OR56A3: variants seen among roughly 807,000 people sequenced by gnomAD.
The protein encoded by OR56A3 is olfactory receptor 56A3.
Under a neutral mutation model 17.5 loss-of-function variants are expected in OR56A3, and 23 were observed. That is an observed-to-expected ratio of 1.32 (90% CI 0.95 to 1.87). OR56A3 has a LOEUF of 1.87. Ranked by LOEUF, OR56A3 falls within the 40% of genes most tolerant of loss-of-function variation. OR56A3 has a pLI of 0.00. For synonymous variants in OR56A3, 175 were observed against 150.6 expected (o/e 1.16, Z -1.19); for missense variants, 366 against 380.1 (o/e 0.96, Z 0.31).
the OR56A3 span, among the ~76,000 whole-genome samples, chr11:5,980,113 T>C: frequency 7.2e-5 from 11 of 152,168 alleles, no homozygotes; most frequent in Non-Finnish European, 1.6e-4. Flanking sequence ...GAGCATGTTA[T>C]TGATTTTAGA....
Position 5,948,016 on chromosome 11 carries a change from T to A in OR56A3, c.670T>A (p.Phe224Ile). 6.2e-7 allele frequency: 1 copy of A among 1,614,216 alleles called. No homozygotes were observed. The highest frequency in any genetic ancestry group is 8.5e-7 in the Non-Finnish European group (1 of 1,180,042). ...DLILIFLSYT[F>I]ILRAVLRLKA... ...CATCCTTATCTTCCTCTCCTACACC[T>A]TCATTCTGCGAGCTGTGCTGAGACT... is the stretch of plus-strand genomic sequence containing the variant. Residue 224 changes from phenylalanine to isoleucine, a missense_variant, in exon 3 of 3, where the codon TTC becomes ATC. Phe to Ile is a conservative substitution (Grantham distance 21). Transcript: ENST00000641160.
chr11:5,969,055 A>C, the OR56A3 span, among the ~76,000 whole-genome samples: 3 of 152,194 alleles, frequency 2.0e-5, no homozygotes, highest in Non-Finnish European at 4.4e-5. Flanking sequence ...AGGAAAATAA[A>C]AGCAAATATT....
chr11:5,977,828 G>A, the OR56A3 span, among the ~76,000 whole-genome samples: 1 of 152,076 alleles, frequency 6.6e-6, no homozygotes, highest in Non-Finnish European at 1.5e-5. Flanking sequence ...TTTCTTATAG[G>A]ATTTTATAGC....
the OR56A3 span, among the ~76,000 whole-genome samples, chr11:6,018,597 A>C: frequency 1.3e-5 from 2 of 152,120 alleles, no homozygotes; most frequent in East Asian, 3.8e-4. Flanking sequence ...AAAAAAGTAG[A>C]AAGATTTCAT....
At chr11:5,947,234 T>A in intron 2 of OR56A3, 77 bp from the exon 3 acceptor site, 1 of 999,580 alleles carries the variant, frequency 1.0e-6, no homozygotes, top group Non-Finnish European at 1.5e-6. Flanking sequence ...AAACCACAAG[T>A]TGTACCTATG....
the OR56A3 span, chr11:5,987,082 A>G: frequency 4.4e-6 from 3 of 677,032 alleles, no homozygotes; most frequent in Admixed American, 5.7e-5. Flanking sequence ...TTTACAAGTG[A>G]GACATCCACA....
chr11:5,947,842 C>G lies in OR56A3; in HGVS notation c.496C>G (p.Leu166Val), dbSNP rs769012601. The change falls in exon 3 of 3, where the codon CTT (leucine) becomes GTT (valine). Residue 166 changes from leucine (L) to valine (V), a missense_variant. By Grantham distance (32) the Leu-to-Val change is conservative. Transcript: ENST00000641160. The stretch of plus-strand genomic sequence containing the variant: ...GCTTATGACTCTGCCCATCCCCATC[C>G]TTTCAGCACAACTCCGTTATTGTGG... ...NVLMTLPIPI[L>V]SAQLRYCGRN... is the part of the protein sequence containing the mutation. 1.1e-5 allele frequency: 17 copies of G among 1,614,090 alleles called. No individual in the cohort carries two copies. Among genetic ancestry groups the G allele is most frequent in the Non-Finnish European group, 1.4e-5 (16 of 1,180,046 alleles).
At chr11:5,979,499 G>T in the OR56A3 span, among the ~76,000 whole-genome samples, 1 of 151,998 alleles carries the variant, frequency 6.6e-6, no homozygotes, top group African/African-American at 2.4e-5. Context: ...TTTATCATTT[G>T]TGTCTGTAGA....
At chr11:5,977,163 T>G in the OR56A3 span, among the ~76,000 whole-genome samples, 1 of 152,196 alleles carries the variant, frequency 6.6e-6, no homozygotes, top group Non-Finnish European at 1.5e-5. Context: ...TGAATAGTGC[T>G]CCAATGAACA....
chr11:6,003,125 A>G, the OR56A3 span: 5 of 1,578,482 alleles, frequency 3.2e-6, no homozygotes, highest in Non-Finnish European at 4.3e-6. Flanking sequence ...GTCCCAATAA[A>G]GTTTTTAAAA....
At chr11:6,007,899 G>A in the OR56A3 span, among the ~76,000 whole-genome samples, 118 of 152,340 alleles carry the variant, frequency 7.7e-4, no homozygotes, top group Non-Finnish European at 1.4e-3. Context: ...ATCCCTGGGA[G>A]TGGCCCTCTT....
chr11:5,992,805 C>T, the OR56A3 span, among the ~76,000 whole-genome samples: 7 of 152,198 alleles, frequency 4.6e-5, no homozygotes, highest in East Asian at 1.3e-3. Context: ...ACTGAAATAA[C>T]AGAGCTTCTC....
intron 2 of OR56A3, among the ~76,000 whole-genome samples, chr11:5,945,497 G>A (rs1419568620): frequency 1.3e-5 from 2 of 149,624 alleles, no homozygotes; most frequent in South Asian, 2.1e-4. Flanking sequence ...CGGGAGAATC[G>A]CTTGAACCTG....
chr11:5,948,524 T>G lies in OR56A3; in HGVS notation c.*230T>G. On this transcript the variant is annotated 3_prime_UTR_variant, in exon 3 of 3. Transcript: ENST00000641160. ...TTTTATTCCATGCTTATAATCATATTTTGTCCAAAACACTGACATTCCTTA... is the reference window on the plus strand; with the variant it reads ...TTTTATTCCATGCTTATAATCATATGTTGTCCAAAACACTGACATTCCTTA... 2.0e-6 allele frequency: 1 copy of G among 488,726 alleles called. No homozygotes were observed. The highest frequency in any genetic ancestry group is 3.8e-5 in the South Asian group (1 of 26,432). 30.3% of individuals were successfully genotyped at this position (488,726 alleles called of 1,614,324 possible). A position where few individuals can be genotyped will look rare whatever the true frequency, so the allele number is the denominator to read the frequency against.
chr11:6,007,975 C>T, the OR56A3 span, among the ~76,000 whole-genome samples: 1 of 152,100 alleles, frequency 6.6e-6, no homozygotes, highest in Non-Finnish European at 1.5e-5. Flanking sequence ...CTTTTTGTTT[C>T]GTAAGTGTGG....
At chr11:6,001,412 G>A in the OR56A3 span, 1 of 152,266 alleles carries the variant, frequency 6.6e-6, no homozygotes, top group African/African-American at 2.4e-5. Context: ...GAAAATCTAA[G>A]TAGAGAGAAA....
the OR56A3 span, among the ~76,000 whole-genome samples, chr11:5,964,802 A>G: frequency 6.6e-6 from 1 of 152,190 alleles, no homozygotes. Context: ...TAACTGTGGC[A>G]TGGCCCAGGA....
In OR56A3 at chr11:5,951,302, T is replaced by C. The variant is rs1337024120; in HGVS notation, c.*3008T>C. The C allele has an allele frequency of 6.6e-6, 1 of 152,122 alleles. No homozygotes were observed. Among genetic ancestry groups the C allele is most frequent in the Non-Finnish European group, 1.5e-5 (1 of 68,006 alleles). 9.4% of individuals were successfully genotyped at this position (152,122 alleles called of 1,614,324 possible). A position where few individuals can be genotyped will look rare whatever the true frequency, so the allele number is the denominator to read the frequency against. On this transcript the variant is annotated 3_prime_UTR_variant, in exon 3 of 3. Coordinates refer to ENST00000641160, the MANE Select transcript of OR56A3 (RefSeq NM_001003443.3). ...CGTTAAAGGTTTATCAGAAGGTAAA[T>C]GATAAACATTATTTGTAATTCATTA... is the stretch of plus-strand genomic sequence containing the variant.
chr11:5,961,288 A>G, the OR56A3 span, among the ~76,000 whole-genome samples: 1 of 152,208 alleles, frequency 6.6e-6, no homozygotes, highest in East Asian at 1.9e-4. Context: ...CATGATGACA[A>G]TGGCGGTTTT....
Sources: gnomAD v4.1 joint callset for allele counts (sites outside exome capture counted in the v4.1 genomes callset) on GRCh38, gnomAD v4.1.1 for gene constraint, MANE v1.5 for transcripts, NCBI Gene and HGNC (gene_info 2026-07-23, HGNC 2026-07-21) for gene names.